Variants in DPYSL5 observed in about 807,000 individuals in gnomAD.
DPYSL5 encodes dihydropyrimidinase like 5, also known as dihydropyrimidinase-related protein 5.
A neutral mutation model predicts 58.4 loss-of-function variants in DPYSL5; 9 were observed. That is an observed-to-expected ratio of 0.15 (90% CI 0.09 to 0.27). The LOEUF is 0.27. Among genes scored for constraint, DPYSL5 ranks in the 10% least tolerant of loss-of-function variants. The probability of loss-of-function intolerance (pLI) is 1.00; values close to 1 mark genes in which losing one functional copy is unlikely to be tolerated. For synonymous variants in DPYSL5, 293 were observed against 301.9 expected (o/e 0.97, Z 0.31); for missense variants, 499 against 770.6 (o/e 0.65, Z 4.17).
chr2:26,936,804 G>A (rs1158594811), intron 8 of DPYSL5, among the ~76,000 whole-genome samples: 1 of 151,922 alleles, frequency 6.6e-6, no homozygotes, highest in Non-Finnish European at 1.5e-5. Flanking sequence ...AAATTAGCTG[G>A]GCATGGTGGC....
At chr2:26,907,861 G>C (rs1048332050) in intron 2 of DPYSL5, among the ~76,000 whole-genome samples, 3 of 152,162 alleles carry the variant, frequency 2.0e-5, no homozygotes, top group African/African-American at 7.2e-5. Context: ...GAGGAGCAGA[G>C]ACCACGATTT....
At chr2:26,939,286 C>T (rs930907763) in intron 8 of DPYSL5, 1 of 152,156 alleles carries the variant, frequency 6.6e-6, no homozygotes, top group African/African-American at 2.4e-5. Context: ...TACAGGCGCC[C>T]ACCACTACGC....
At chr2:26,880,592 T>C (rs1663533718) in intron 1 of DPYSL5, among the ~76,000 whole-genome samples, 1 of 152,192 alleles carries the variant, frequency 6.6e-6, no homozygotes, top group South Asian at 2.1e-4. Context: ...AGCCAGTCTG[T>C]CTGCCATTCT....
At chr2:26,886,550 CAAT>C (rs1228055929) in intron 1 of DPYSL5, among the ~76,000 whole-genome samples, 2 of 152,162 alleles carry the variant, frequency 1.3e-5, no homozygotes, top group Non-Finnish European at 2.9e-5. Context: ...TAAATCTACT[CAAT>C]AGTTGATAAA....
chr2:26,922,246 T>A (rs1664723842), intron 2 of DPYSL5, among the ~76,000 whole-genome samples: 1 of 152,112 alleles, frequency 6.6e-6, no homozygotes, highest in Non-Finnish European at 1.5e-5. Context: ...TTGCAGAAGG[T>A]GGACAGAGCT....
chr2:26,945,758 G>C (rs116240744), intron 12 of DPYSL5, among the ~76,000 whole-genome samples: 1 of 152,306 alleles, frequency 6.6e-6, no homozygotes, highest in Admixed American at 6.5e-5. Flanking sequence ...GGCGAGAGGC[G>C]CAAGACCCTG....
intron 1 of DPYSL5, among the ~76,000 whole-genome samples, chr2:26,864,415 T>C (rs1305696275): frequency 6.6e-6 from 1 of 152,192 alleles, no homozygotes; most frequent in Non-Finnish European, 1.5e-5. Context: ...CAGGTGCAGA[T>C]CCCAAAGTAG....
At chr2:26,922,017 A>G (rs1370565134) in intron 2 of DPYSL5, among the ~76,000 whole-genome samples, 1 of 152,116 alleles carries the variant, frequency 6.6e-6, no homozygotes, top group Non-Finnish European at 1.5e-5. Context: ...TCTGGACTTT[A>G]GGGTCCTCTT....
intron 1 of DPYSL5, among the ~76,000 whole-genome samples, chr2:26,881,857 C>A (rs868587070): frequency 6.6e-6 from 1 of 151,944 alleles, no homozygotes; most frequent in South Asian, 2.1e-4. Flanking sequence ...TTTGGGAGGC[C>A]GAGGCAGGTG....
At chr2:26,912,727 G>T (rs905850277) in intron 2 of DPYSL5, among the ~76,000 whole-genome samples, 1 of 152,180 alleles carries the variant, frequency 6.6e-6, no homozygotes, top group Non-Finnish European at 1.5e-5. Context: ...TTGGATGCTC[G>T]GCAGTGAAGA....
At chr2:26,937,028 G>A (rs1335433165) in intron 8 of DPYSL5, among the ~76,000 whole-genome samples, 2 of 140,040 alleles carry the variant, frequency 1.4e-5, no homozygotes, top group African/African-American at 5.4e-5. Flanking sequence ...CAATTACCAA[G>A]ACTCCACTAT....
At chr2:26,931,781 G>A (rs568510414) in intron 6 of DPYSL5, 97 bp downstream of exon 6, 22 of 1,299,828 alleles carry the variant, frequency 1.7e-5, no homozygotes, top group South Asian at 6.1e-5. Flanking sequence ...GCCGAGGTGC[G>A]TGGATCACCT....
chr2:26,874,725 C>T (rs369579676), intron 1 of DPYSL5, among the ~76,000 whole-genome samples: 15 of 152,306 alleles, frequency 9.8e-5, no homozygotes, highest in East Asian at 7.7e-4. Context: ...GGGAGACCTG[C>T]GTTCTGGGAG....
intron 8 of DPYSL5, 140 bp from the exon 9 acceptor site, chr2:26,939,891 C>G (rs1665271846): frequency 9.0e-6 from 10 of 1,113,730 alleles, no homozygotes. Flanking sequence ...CACGACAGAC[C>G]ACATGGCCTA....
intron 2 of DPYSL5, among the ~76,000 whole-genome samples, chr2:26,910,586 A>C (rs1664409572): frequency 6.9e-6 from 1 of 145,632 alleles, no homozygotes; most frequent in African/African-American, 2.5e-5. Context: ...TGAATATAAG[A>C]GTTGTTTTCT....
intron 1 of DPYSL5, among the ~76,000 whole-genome samples, chr2:26,871,019 G>A (rs1327201077): frequency 2.6e-5 from 4 of 152,222 alleles, no homozygotes; most frequent in Non-Finnish European, 4.4e-5. Context: ...CAGGTGCCCA[G>A]TAGCCACATG....
In DPYSL5 at chr2:26,942,700, C is replaced by T. The variant is rs1442216565; in HGVS notation, c.1390C>T (p.Leu464=). The T allele has an allele frequency of 1.2e-6, 2 of 1,613,954 alleles. No individual in the cohort carries two copies. The highest frequency in any genetic ancestry group is 2.7e-5 in the African/African-American group (2 of 74,884). ...CGAGGGCACCGGCAAGTTCTGTCCC[C>T]TGAGGTCCTTCCCAGACACTGTCTA... ...CAEGTGKFCP[L]RSFPDTVYKK... The change falls in exon 11 of 13, where the codon CTG becomes TTG. Residue 464 remains leucine, a synonymous_variant. Transcript: ENST00000288699. This position sits in a 1 kb window ranked among gnomAD's most constrained non-coding sequence, Gnocchi z 5.9.
At chr2:26,931,167 ATATG>A (rs1353826965) in intron 5 of DPYSL5, among the ~76,000 whole-genome samples, 56 of 54,330 alleles carry the variant, frequency 1.0e-3, no homozygotes, top group South Asian at 5.9e-3. Context: ...ATATATATAT[ATATG>A]TGTGTGTGTG....
At chr2:26,856,326 T>C (rs943405096) in intron 1 of DPYSL5, among the ~76,000 whole-genome samples, 36 of 152,222 alleles carry the variant, frequency 2.4e-4, no homozygotes, top group Non-Finnish European at 4.0e-4. Flanking sequence ...TCTTCCTCCA[T>C]ATCCTGACTG....
Sources: gnomAD v4.1 joint callset for allele counts (sites outside exome capture counted in the v4.1 genomes callset) on GRCh38, gnomAD v4.1.1 for gene constraint, Gnocchi (gnomAD v3.1) non-coding constraint, MANE v1.5 for transcripts, NCBI Gene and HGNC (gene_info 2026-07-23, HGNC 2026-07-21) for gene names.